Variants in NELL1 observed in about 807,000 individuals in gnomAD.
The protein encoded by NELL1 is neural EGFL like 1.
A neutral mutation model predicts 107.4 loss-of-function variants in NELL1; 76 were observed. That is an observed-to-expected ratio of 0.71 (90% CI 0.59 to 0.86). NELL1 has a LOEUF of 0.86. NELL1 is among the 40% of genes least tolerant of loss of function. The probability of loss-of-function intolerance (pLI) is 0.00; values close to 1 mark genes in which losing one functional copy is unlikely to be tolerated. For synonymous variants in NELL1, 353 were observed against 341.2 expected (o/e 1.03, Z -0.38); for missense variants, 1,024 against 1,005.5 (o/e 1.02, Z -0.25).
intron 14 of NELL1, among the ~76,000 whole-genome samples, chr11:21,298,383 T>C (rs1173248216): frequency 6.6e-6 from 1 of 152,002 alleles, no homozygotes; most frequent in Non-Finnish European, 1.5e-5. Context: ...TTATTTCTTC[T>C]CTTCTCAGAT....
At chr11:21,292,501 G>T (rs1300249208) in intron 14 of NELL1, among the ~76,000 whole-genome samples, 1 of 152,096 alleles carries the variant, frequency 6.6e-6, no homozygotes, top group South Asian at 2.1e-4. Context: ...TGGCCATACT[G>T]CCTAAAGTAA....
intron 5 of NELL1, among the ~76,000 whole-genome samples, chr11:20,894,937 T>C (rs1160663188): frequency 6.6e-6 from 1 of 152,092 alleles, no homozygotes; most frequent in Non-Finnish European, 1.5e-5. Flanking sequence ...TAATACATTT[T>C]TGTTAAGTAT....
At chr11:20,945,888 C>T (rs771247235) in intron 10 of NELL1, among the ~76,000 whole-genome samples, 5 of 151,894 alleles carry the variant, frequency 3.3e-5, no homozygotes, top group Non-Finnish European at 7.4e-5. Flanking sequence ...GTCTTAGGGA[C>T]AATTGTAAGA....
intron 15 of NELL1, among the ~76,000 whole-genome samples, chr11:21,528,519 C>CCGCT (rs1554929482): frequency 3.6e-5 from 4 of 109,926 alleles, no homozygotes; most frequent in Non-Finnish European, 5.4e-5. Flanking sequence ...CCACCCCCCC[C>CCGCT]CCCTTTTTTT....
chr11:21,259,956 A>G (rs1201627543), intron 14 of NELL1: 1 of 151,910 alleles, frequency 6.6e-6, no homozygotes, highest in Admixed American at 6.6e-5. Flanking sequence ...TTACCACCAA[A>G]TATTTTATTA....
Position 21,122,900 on chromosome 11 carries a change from A to T in NELL1, c.1426+9186A>T, listed in dbSNP as rs560489846. On this transcript the variant is annotated intron_variant, in intron 13 of 19. Coordinates refer to ENST00000357134, the MANE Select transcript of NELL1 (RefSeq NM_006157.5). The stretch of plus-strand genomic sequence containing the variant: ...GACTGTGCGGACAGGTTTTTCAGAA[A>T]TAGTTAATTCAGCTGCTCCATGAAA... 5.3e-5 allele frequency among the ~76,000 whole-genome samples: 8 copies of T among 152,332 alleles called. No homozygotes were observed. The South Asian group carries it at 1.7e-3, about 32-fold the overall frequency.
chr11:21,357,895 A>C (rs532547742), intron 14 of NELL1, among the ~76,000 whole-genome samples: 80 of 152,308 alleles, frequency 5.3e-4, no homozygotes, highest in Non-Finnish European at 8.4e-4. Flanking sequence ...CATTCGTTGA[A>C]TAGGGTGTCG....
intron 14 of NELL1, among the ~76,000 whole-genome samples, chr11:21,342,339 C>G (rs1850584924): frequency 6.7e-6 from 1 of 148,832 alleles, no homozygotes; most frequent in Non-Finnish European, 1.5e-5. Flanking sequence ...CTGTTTATAG[C>G]AATAGAAAGA....
chr11:20,731,541 C>T (rs898384775), intron 2 of NELL1, among the ~76,000 whole-genome samples: 11 of 152,324 alleles, frequency 7.2e-5, no homozygotes, highest in South Asian at 6.2e-4. Context: ...TGCAGATGCT[C>T]AATACCCATG....
At chr11:21,152,599 T>C (rs1856143503) in intron 13 of NELL1, among the ~76,000 whole-genome samples, 2 of 152,304 alleles carry the variant, frequency 1.3e-5, no homozygotes, top group African/African-American at 4.8e-5. Flanking sequence ...TACAGCAGAC[T>C]GTTAGATGTC....
chr11:21,519,602 C>T (rs75448393), intron 15 of NELL1, among the ~76,000 whole-genome samples: 2,293 of 150,200 alleles, frequency 0.015, 26 homozygotes, highest in Non-Finnish European at 0.022. Context: ...CAAGGTTCTT[C>T]TAATTGAAAG....
chr11:20,681,736 G>A (rs1271249799), intron 2 of NELL1, among the ~76,000 whole-genome samples: 2 of 151,950 alleles, frequency 1.3e-5, no homozygotes, highest in African/African-American at 4.8e-5. Flanking sequence ...GAGATTTATG[G>A]GGCTAAAACC....
intron 12 of NELL1, among the ~76,000 whole-genome samples, chr11:20,987,912 G>C (rs1028571166): frequency 3.9e-5 from 6 of 152,052 alleles, no homozygotes; most frequent in African/African-American, 9.7e-5. Context: ...GTATTTTGTG[G>C]AATAATTTGT....
At chr11:21,061,341 G>A (rs1853737118) in intron 12 of NELL1, among the ~76,000 whole-genome samples, 1 of 152,200 alleles carries the variant, frequency 6.6e-6, no homozygotes, top group African/African-American at 2.4e-5. Context: ...TGGAGTGACA[G>A]TAGGATTGGC....
chr11:21,209,594 T>C (rs1857458484), intron 13 of NELL1, among the ~76,000 whole-genome samples: 1 of 151,956 alleles, frequency 6.6e-6, no homozygotes, highest in Non-Finnish European at 1.5e-5. Flanking sequence ...TTTAACAGTT[T>C]GTTAAGATAT....
intron 12 of NELL1, among the ~76,000 whole-genome samples, chr11:20,974,156 T>C (rs2134233501): frequency 6.6e-6 from 1 of 152,326 alleles, no homozygotes; most frequent in South Asian, 2.1e-4. Context: ...GGACAGTTCC[T>C]GGAACAGAGT....
intron 12 of NELL1, among the ~76,000 whole-genome samples, chr11:21,102,571 A>C (rs1402754317): frequency 2.0e-5 from 3 of 152,182 alleles, no homozygotes; most frequent in African/African-American, 7.2e-5. Flanking sequence ...GGTTATTATG[A>C]GGATTAAATG....
intron 15 of NELL1, among the ~76,000 whole-genome samples, chr11:21,379,503 C>T (rs766112500): frequency 1.4e-4 from 22 of 152,028 alleles, no homozygotes; most frequent in Non-Finnish European, 2.4e-4. Context: ...CAACTTTGAA[C>T]AGCTTTGTTC....
At chr11:21,491,971 G>C (rs1854831491) in intron 15 of NELL1, among the ~76,000 whole-genome samples, 1 of 152,096 alleles carries the variant, frequency 6.6e-6, no homozygotes, top group Non-Finnish European at 1.5e-5. Flanking sequence ...CTGTGAATGG[G>C]AGTTCACTTT....
Sources: allele counts gnomAD v4.1 joint callset (sites outside exome capture counted in the v4.1 genomes callset), GRCh38; gene constraint gnomAD v4.1.1; transcripts MANE v1.5; gene names NCBI Gene and HGNC (gene_info 2026-07-23, HGNC 2026-07-21).